Variants in DLGAP2 observed in about 807,000 individuals in gnomAD.
DLGAP2 encodes the protein disks large-associated protein 2.
In DLGAP2, 26 loss-of-function variants were observed where a neutral mutation model predicts 100.3. The ratio of observed to expected loss-of-function variants is 0.26; its 90% CI spans 0.19 to 0.36. The LOEUF (loss-of-function observed/expected upper bound fraction) is 0.36, where lower values mean the gene tolerates loss of function less well. Among genes scored for constraint, DLGAP2 ranks in the 10% least tolerant of loss-of-function variants. The pLI is 1.00. For missense variants in DLGAP2, 1,858 were observed against 1,453.2 expected (o/e 1.28, Z -4.53); for synonymous variants, 886 against 630.1 (o/e 1.41, Z -6.08).
At chr8:1,429,033 G>A (rs1797327041) in intron 3 of DLGAP2, among the ~76,000 whole-genome samples, 1 of 152,214 alleles carries the variant, frequency 6.6e-6, no homozygotes, top group Non-Finnish European at 1.5e-5. Context: ...CATAAATTGG[G>A]CAGCACCAGA....
At chr8:900,641 A>G (rs867719513) in intron 1 of DLGAP2, among the ~76,000 whole-genome samples, 1 of 152,202 alleles carries the variant, frequency 6.6e-6, no homozygotes. Context: ...TTATGAGGCT[A>G]CACGTAAACT....
chr8:830,613 A>C (rs1018251886), intron 1 of DLGAP2, among the ~76,000 whole-genome samples: 3 of 152,144 alleles, frequency 2.0e-5, no homozygotes, highest in Non-Finnish European at 4.4e-5. Context: ...GGTGCTACTG[A>C]GTATGTTTCT....
intron 3 of DLGAP2, among the ~76,000 whole-genome samples, chr8:1,279,620 G>A (rs948542142): frequency 2.6e-5 from 4 of 152,220 alleles, no homozygotes; most frequent in African/African-American, 4.8e-5. Flanking sequence ...TGGGAATGGC[G>A]TAGCTGGGTC....
chr8:1,137,132 T>G (rs979708597), intron 2 of DLGAP2, among the ~76,000 whole-genome samples: 2 of 152,156 alleles, frequency 1.3e-5, no homozygotes, highest in African/African-American at 2.4e-5. Flanking sequence ...CTTCCCAGCT[T>G]GCAGCGTGGC....
chr8:1,569,035 C>T (rs1802546910), intron 6 of DLGAP2, among the ~76,000 whole-genome samples: 1 of 149,538 alleles, frequency 6.7e-6, no homozygotes, highest in African/African-American at 2.5e-5. Context: ...CAAATCCACT[C>T]TGCCTGCAGC....
chr8:1,242,221 TGAGA>T (rs1403715844), intron 2 of DLGAP2, among the ~76,000 whole-genome samples: 1 of 152,104 alleles, frequency 6.6e-6, no homozygotes, highest in African/African-American at 2.4e-5. Flanking sequence ...ACTGAGGGCC[TGAGA>T]GAGGCCTGAT....
intron 6 of DLGAP2, among the ~76,000 whole-genome samples, chr8:1,625,556 T>C (rs1797469394): frequency 6.6e-6 from 1 of 152,262 alleles, no homozygotes; most frequent in Non-Finnish European, 1.5e-5. Flanking sequence ...TTGCATAACC[T>C]GGACAACTTT....
intron 6 of DLGAP2, among the ~76,000 whole-genome samples, chr8:1,607,237 T>C (rs1796830270): frequency 6.6e-6 from 1 of 152,224 alleles, no homozygotes; most frequent in African/African-American, 2.4e-5. Context: ...ATCTGACTTA[T>C]ATTCTTTAAT....
chr8:1,362,941 C>T (rs1027455401), intron 3 of DLGAP2, among the ~76,000 whole-genome samples: 13 of 152,230 alleles, frequency 8.5e-5, no homozygotes, highest in South Asian at 6.2e-4. Context: ...TTCTTCACTT[C>T]GGGGCAGCAC....
At chr8:1,320,529 G>A (rs1342514891) in intron 3 of DLGAP2, among the ~76,000 whole-genome samples, 1 of 152,114 alleles carries the variant, frequency 6.6e-6, no homozygotes, top group Non-Finnish European at 1.5e-5. Context: ...CAGAGCCGTG[G>A]GTCCCACGTG....
At chr8:964,631 C>T (rs879909333) in intron 2 of DLGAP2, among the ~76,000 whole-genome samples, 6 of 152,238 alleles carry the variant, frequency 3.9e-5, no homozygotes, top group African/African-American at 7.2e-5. Flanking sequence ...CCTGGGGCCT[C>T]GGCCTCCTAA....
At chr8:1,644,628 C>T (rs1797996096) in intron 8 of DLGAP2, among the ~76,000 whole-genome samples, 1 of 152,228 alleles carries the variant, frequency 6.6e-6, no homozygotes, top group Admixed American at 6.5e-5. Flanking sequence ...GCTCCAGCCA[C>T]ATAGCACATT....
At chr8:771,635 G>A (rs1299691666) in intron 1 of DLGAP2, among the ~76,000 whole-genome samples, 1 of 152,236 alleles carries the variant, frequency 6.6e-6, no homozygotes, top group Admixed American at 6.5e-5. Flanking sequence ...GGTCACGAGA[G>A]TGGCAACCCC....
intron 2 of DLGAP2, among the ~76,000 whole-genome samples, chr8:1,257,879 G>A (rs1397700757): frequency 6.6e-6 from 1 of 152,244 alleles, no homozygotes; most frequent in African/African-American, 2.4e-5. Flanking sequence ...GTTCAGGGCT[G>A]GGGGTTAGGT....
chr8:1,617,086 A>T lies in DLGAP2; in HGVS notation c.1443-9654A>T, dbSNP rs182832287. Among the ~76,000 whole-genome samples the T allele has an allele frequency of 8.5e-5, 13 of 152,324 alleles. No homozygotes were observed. In the East Asian group the frequency reaches 2.5e-3, roughly 29 times the overall value. On this transcript the variant is annotated intron_variant, in intron 6 of 14. Coordinates refer to ENST00000637795, the MANE Select transcript of DLGAP2 (RefSeq NM_001346810.2). ...ATCTCATTCTTTTTTATGGCTGCAT[A>T]GTATTCCACGGTGTACATGCACCAC...
intron 4 of DLGAP2, among the ~76,000 whole-genome samples, chr8:1,545,093 G>A (rs1047501464): frequency 3.9e-5 from 6 of 152,028 alleles, no homozygotes; most frequent in African/African-American, 1.5e-4. Flanking sequence ...TTCTTTTCTT[G>A]TCTTTATCTG....
chr8:1,203,186 C>G (rs867606332), intron 2 of DLGAP2, among the ~76,000 whole-genome samples: 1 of 152,172 alleles, frequency 6.6e-6, no homozygotes, highest in Non-Finnish European at 1.5e-5. Context: ...ATGTGTGTGT[C>G]CTGCACGAGG....
chr8:1,300,007 G>C (rs2116990749), intron 3 of DLGAP2: 1 of 152,276 alleles, frequency 6.6e-6, no homozygotes, highest in East Asian at 1.9e-4. Context: ...TGTGTCCTCA[G>C]GGAGACAGGC....
intron 2 of DLGAP2, among the ~76,000 whole-genome samples, chr8:1,221,614 T>C (rs1798315944): frequency 6.6e-6 from 1 of 152,182 alleles, no homozygotes; most frequent in Non-Finnish European, 1.5e-5. Flanking sequence ...AGGGGTTCTC[T>C]GAATTTCCTG....
Sources: allele counts gnomAD v4.1 joint callset (sites outside exome capture counted in the v4.1 genomes callset), GRCh38; gene constraint gnomAD v4.1.1; transcripts MANE v1.5; gene names NCBI Gene and HGNC (gene_info 2026-07-23, HGNC 2026-07-21).